The following HNRNPC variants were observed in gnomAD, a reference collection of about 807,000 sequenced individuals.
HNRNPC encodes heterogeneous nuclear ribonucleoproteins C1/C2.
Under a neutral mutation model 33.2 loss-of-function variants are expected in HNRNPC, and 3 were observed. The observed-to-expected ratio is 0.09, with a 90% CI of 0.04 to 0.23. The LOEUF is 0.23. Among genes scored for constraint, HNRNPC ranks in the 10% least tolerant of loss-of-function variants. HNRNPC has a pLI of 1.00. For missense variants in HNRNPC, 143 were observed against 366.7 expected, an observed-to-expected ratio of 0.39 and a Z score of 4.98; for synonymous variants, 121 against 126.7, an observed-to-expected ratio of 0.96 and a Z score of 0.30.
chr14:21,266,522 T>C (rs573028011), intron 1 of HNRNPC, among the ~76,000 whole-genome samples: 1 of 152,050 alleles, frequency 6.6e-6, no homozygotes, highest in East Asian at 1.9e-4. Context: ...TAACCTATGA[T>C]AGTAAATGTA....
At chr14:21,238,236 A>G (rs1894940808) in intron 2 of HNRNPC, among the ~76,000 whole-genome samples, 1 of 152,222 alleles carries the variant, frequency 6.6e-6, no homozygotes, top group Non-Finnish European at 1.5e-5. Flanking sequence ...TAACAACCCA[A>G]TAGTAATAAA....
At chr14:21,251,634 A>G (rs986402640) in intron 2 of HNRNPC, among the ~76,000 whole-genome samples, 1 of 151,876 alleles carries the variant, frequency 6.6e-6, no homozygotes, top group Admixed American at 6.6e-5. Flanking sequence ...GTGAGCCAAG[A>G]CTGCGCCGCT....
intron 5 of HNRNPC, among the ~76,000 whole-genome samples, chr14:21,214,134 T>TA (rs148486503): frequency 0.018 from 2,805 of 152,330 alleles, 125 homozygotes; most frequent in Admixed American, 0.11. Flanking sequence ...GCAAGCTTTT[T>TA]AAAAATGCAA....
intron 2 of HNRNPC, among the ~76,000 whole-genome samples, chr14:21,248,502 A>C (rs761350270): frequency 6.6e-6 from 1 of 152,216 alleles, no homozygotes; most frequent in Non-Finnish European, 1.5e-5. Flanking sequence ...CAAGGTACAC[A>C]AAACACTGGA....
At chr14:21,237,283 A>G (rs1026203671) in intron 2 of HNRNPC, among the ~76,000 whole-genome samples, 7 of 152,246 alleles carry the variant, frequency 4.6e-5, no homozygotes, top group Non-Finnish European at 8.8e-5. Flanking sequence ...GCCTAAATGT[A>G]TAACTATAGA....
intron 2 of HNRNPC, among the ~76,000 whole-genome samples, chr14:21,240,598 T>C (rs1427295643): frequency 2.0e-5 from 3 of 151,948 alleles, no homozygotes; most frequent in Non-Finnish European, 4.4e-5. Flanking sequence ...GAACATGGAG[T>C]CAAGACTTCA....
chr14:21,261,140 T>C (rs1050049802), intron 2 of HNRNPC, among the ~76,000 whole-genome samples: 10 of 152,064 alleles, frequency 6.6e-5, no homozygotes, highest in African/African-American at 2.4e-5. Context: ...CCAGCTTATT[T>C]TGGCATGCTT....
At chr14:21,223,064 G>A (rs973183467) in intron 5 of HNRNPC, among the ~76,000 whole-genome samples, 3 of 151,974 alleles carry the variant, frequency 2.0e-5, no homozygotes, top group Non-Finnish European at 2.9e-5. Context: ...AAAAGAGCCC[G>A]GCGTGGTGAT....
intron 2 of HNRNPC, among the ~76,000 whole-genome samples, chr14:21,239,378 G>A (rs1383548717): frequency 6.6e-6 from 1 of 152,080 alleles, no homozygotes; most frequent in Non-Finnish European, 1.5e-5. Context: ...TATTCGGGAG[G>A]CTGAGGCAGG....
intron 2 of HNRNPC, among the ~76,000 whole-genome samples, chr14:21,244,092 G>A (rs1895672477): frequency 2.0e-5 from 3 of 151,000 alleles, no homozygotes; most frequent in South Asian, 4.2e-4. Context: ...GCAGTGTTGC[G>A]ATCTTCGATC....
chr14:21,260,301 G>A (rs1343990499), intron 2 of HNRNPC, among the ~76,000 whole-genome samples: 2 of 149,026 alleles, frequency 1.3e-5, no homozygotes, highest in Admixed American at 6.7e-5. Context: ...AGGAGGCAGA[G>A]GTTGTGGTGA....
intron 2 of HNRNPC, among the ~76,000 whole-genome samples, chr14:21,243,377 G>A (rs1390800685): frequency 1.3e-5 from 2 of 152,066 alleles, no homozygotes; most frequent in South Asian, 4.1e-4. Flanking sequence ...GGACAAACAT[G>A]GCAGTTGCTA....
intron 5 of HNRNPC, among the ~76,000 whole-genome samples, chr14:21,228,497 T>A (rs1444289392): frequency 1.3e-5 from 2 of 152,082 alleles, no homozygotes; most frequent in African/African-American, 4.8e-5. Context: ...GATCAAGCAA[T>A]TCTCCTACAT....
intron 5 of HNRNPC, among the ~76,000 whole-genome samples, chr14:21,223,464 T>G (rs181934376): frequency 1.4e-4 from 22 of 152,178 alleles, no homozygotes; most frequent in African/African-American, 5.1e-4. Context: ...AAAATTTAAG[T>G]CCAGCCAGAT....
chr14:21,240,757 C>T (rs555419184), intron 2 of HNRNPC, among the ~76,000 whole-genome samples: 1 of 152,310 alleles, frequency 6.6e-6, no homozygotes, highest in African/African-American at 2.4e-5. Context: ...GATGTTTCTA[C>T]TGGGCATTTA....
intron 5 of HNRNPC, among the ~76,000 whole-genome samples, chr14:21,216,919 ACTAGCTAG>A (rs1366727232): frequency 1.3e-5 from 2 of 152,324 alleles, no homozygotes; most frequent in South Asian, 4.1e-4. Context: ...AATCCGTTAA[ACTAGCTAG>A]CTAGCTAGTT....
intron 4 of HNRNPC, 37 bp from the exon 5 acceptor site, chr14:21,230,403 T>C: frequency 1.3e-6 from 2 of 1,493,804 alleles, no homozygotes; most frequent in Non-Finnish European, 1.9e-6. Flanking sequence ...AATTTGGAAA[T>C]GTTTCTACTA....
chr14:21,211,673 AC>A (rs1440474928), intron 7 of HNRNPC, 107 bp from the exon 8 acceptor site: 1 of 1,423,342 alleles, frequency 7.0e-7, no homozygotes, highest in Non-Finnish European at 9.7e-7. Flanking sequence ...ATCCTCCCAC[AC>A]AAATACCCTT....
At chr14:21,254,515 T>C (rs1469603622) in intron 2 of HNRNPC, 2 of 152,188 alleles carry the variant, frequency 1.3e-5, no homozygotes, top group African/African-American at 4.8e-5. Context: ...TATTACTTTA[T>C]TCGGATCAAA....
Sources: gnomAD v4.1 joint callset for allele counts (sites outside exome capture counted in the v4.1 genomes callset) on GRCh38, gnomAD v4.1.1 for gene constraint, MANE v1.5 for transcripts, NCBI Gene and HGNC (gene_info 2026-07-23, HGNC 2026-07-21) for gene names.